The following SUCLG2 variants were observed in gnomAD, a reference collection of about 807,000 sequenced individuals.
SUCLG2 encodes succinate-CoA ligase GDP-forming subunit beta.
In SUCLG2, 42 loss-of-function variants were observed where a neutral mutation model predicts 47.9. The ratio of observed to expected loss-of-function variants is 0.88; its 90% CI spans 0.69 to 1.14. SUCLG2 has a LOEUF of 1.14. Among genes scored for constraint, SUCLG2 ranks in the 50% most tolerant of loss-of-function variants. The probability of loss-of-function intolerance (pLI) is 0.00; values close to 1 mark genes in which losing one functional copy is unlikely to be tolerated. For missense variants in SUCLG2, 571 were observed against 525.9 expected, an observed-to-expected ratio of 1.09 and a Z score of -0.84; for synonymous variants, 195 against 197.3, an observed-to-expected ratio of 0.99 and a Z score of 0.10.
chr3:67,497,517 A>G (rs1303639731), intron 8 of SUCLG2, among the ~76,000 whole-genome samples: 2 of 152,188 alleles, frequency 1.3e-5, no homozygotes. Flanking sequence ...TTATTAATAA[A>G]CTAGCATAAT....
At chr3:67,573,173 T>TG (rs1429503177) in intron 2 of SUCLG2, among the ~76,000 whole-genome samples, 5 of 152,132 alleles carry the variant, frequency 3.3e-5, no homozygotes, top group Non-Finnish European at 7.4e-5. Context: ...TCTAAATAAA[T>TG]GGAGAGCTAT....
intron 4 of SUCLG2, among the ~76,000 whole-genome samples, chr3:67,522,703 G>A (rs1448752476): frequency 1.0e-4 from 14 of 138,620 alleles, no homozygotes; most frequent in South Asian, 2.2e-4. Flanking sequence ...TCGCTCTGTC[G>A]CCCAGGCTGG....
chr3:67,371,751 C>T (rs187559637), downstream of SUCLG2, among the ~76,000 whole-genome samples: 2 of 152,144 alleles, frequency 1.3e-5, no homozygotes, highest in African/African-American at 4.8e-5. Context: ...AGTGGCATAA[C>T]CTTAGTGAAT....
chr3:67,568,792 C>G (rs1304277160), intron 2 of SUCLG2, among the ~76,000 whole-genome samples: 1 of 152,126 alleles, frequency 6.6e-6, no homozygotes, highest in Non-Finnish European at 1.5e-5. Context: ...GAGGCTGAGG[C>G]AGGAGAATGG....
chr3:67,432,998 C>T (rs1247588705), intron 9 of SUCLG2, among the ~76,000 whole-genome samples: 3 of 152,148 alleles, frequency 2.0e-5, no homozygotes, highest in Admixed American at 1.3e-4. Context: ...TTAAAATCCT[C>T]TGAATAGGTA....
At chr3:67,553,013 CAATT>C (rs1047781017) in intron 2 of SUCLG2, among the ~76,000 whole-genome samples, 1 of 152,210 alleles carries the variant, frequency 6.6e-6, no homozygotes, top group African/African-American at 2.4e-5. Flanking sequence ...TTATTGTCAT[CAATT>C]AATTGTTAAA....
At chr3:67,508,361 C>G (rs1179795524) in intron 7 of SUCLG2, among the ~76,000 whole-genome samples, 2 of 152,136 alleles carry the variant, frequency 1.3e-5, no homozygotes, top group Admixed American at 1.3e-4. Context: ...TTAGTAGCAG[C>G]AGTGATGGGC....
chr3:67,536,577 C>T (rs1706548654), intron 2 of SUCLG2, among the ~76,000 whole-genome samples: 1 of 152,192 alleles, frequency 6.6e-6, no homozygotes, highest in African/African-American at 2.4e-5. Context: ...CCCTGCTGCC[C>T]AGTCGTCTTC....
intron 2 of SUCLG2, among the ~76,000 whole-genome samples, chr3:67,535,900 G>A (rs1050959504): frequency 6.6e-6 from 1 of 152,162 alleles, no homozygotes; most frequent in African/African-American, 2.4e-5. Flanking sequence ...TCTGGAAAAC[G>A]CAGTTCCAGC....
intron 7 of SUCLG2, among the ~76,000 whole-genome samples, chr3:67,502,476 C>T (rs193156687): frequency 3.9e-5 from 6 of 152,164 alleles, no homozygotes; most frequent in South Asian, 2.1e-4. Flanking sequence ...CTCTTAAACC[C>T]GAGCCTTGTC....
chr3:67,519,968 A>G (rs774449876), intron 5 of SUCLG2, among the ~76,000 whole-genome samples: 1 of 152,178 alleles, frequency 6.6e-6, no homozygotes, highest in African/African-American at 2.4e-5. Flanking sequence ...AATATCAATA[A>G]ATGAGTCAAG....
intron 2 of SUCLG2, among the ~76,000 whole-genome samples, chr3:67,566,986 A>C (rs918207763): frequency 3.9e-5 from 6 of 152,122 alleles, no homozygotes; most frequent in African/African-American, 1.4e-4. Flanking sequence ...GGAATTCAAG[A>C]CTAGCCTGGC....
At chr3:67,598,422 G>A (rs543699414) in intron 2 of SUCLG2, among the ~76,000 whole-genome samples, 1 of 152,310 alleles carries the variant, frequency 6.6e-6, no homozygotes, top group East Asian at 1.9e-4. Flanking sequence ...GGGATTTGCA[G>A]TTAATAATAG....
At chr3:67,485,704 C>T (rs1318212895) in intron 9 of SUCLG2, among the ~76,000 whole-genome samples, 4 of 152,084 alleles carry the variant, frequency 2.6e-5, no homozygotes, top group South Asian at 2.1e-4. Context: ...GGTGAAACAG[C>T]GATCATTATT....
chr3:67,540,445 G>A (rs1411120384), intron 2 of SUCLG2, among the ~76,000 whole-genome samples: 5 of 151,892 alleles, frequency 3.3e-5, no homozygotes, highest in Non-Finnish European at 7.4e-5. Context: ...TTCTGACTGG[G>A]CAGAGCCCAC....
At chr3:67,649,391 A>AT (rs1433209328) in intron 1 of SUCLG2, among the ~76,000 whole-genome samples, 1 of 152,238 alleles carries the variant, frequency 6.6e-6, no homozygotes, top group African/African-American at 2.4e-5. Flanking sequence ...ATGAGCTGTA[A>AT]TAAGCATTCA....
chr3:67,448,679 A>G (rs1255292845), intron 9 of SUCLG2, among the ~76,000 whole-genome samples: 3 of 152,236 alleles, frequency 2.0e-5, no homozygotes. Context: ...TTAAAATATT[A>G]ATATGTTGCT....
chr3:67,551,452 A>G (rs1173778099), intron 2 of SUCLG2, among the ~76,000 whole-genome samples: 3 of 152,156 alleles, frequency 2.0e-5, no homozygotes, highest in Admixed American at 6.5e-5. Flanking sequence ...GAAATCCACC[A>G]CATTTTCTGG....
At chr3:67,382,449 A>G (rs997805778) in intron 10 of SUCLG2, among the ~76,000 whole-genome samples, 1 of 152,216 alleles carries the variant, frequency 6.6e-6, no homozygotes, top group African/African-American at 2.4e-5. Context: ...TGCTTGGATC[A>G]AACAACCAGT....
Sources: gnomAD v4.1 joint callset for allele counts (sites outside exome capture counted in the v4.1 genomes callset) on GRCh38, gnomAD v4.1.1 for gene constraint, MANE v1.5 for transcripts, NCBI Gene and HGNC (gene_info 2026-07-23, HGNC 2026-07-21) for gene names.